CEP85L: variants seen among roughly 807,000 people sequenced by gnomAD.
The protein encoded by CEP85L is centrosomal protein 85L.
A neutral mutation model predicts 100.3 loss-of-function variants in CEP85L; 60 were observed. That is an observed-to-expected ratio of 0.60 (90% CI 0.49 to 0.74). The LOEUF (loss-of-function observed/expected upper bound fraction) is 0.74. CEP85L is among the 30% of genes least tolerant of loss of function. CEP85L has a pLI of 0.00. For missense variants in CEP85L, 973 were observed against 936.2 expected, an observed-to-expected ratio of 1.04 and a Z score of -0.51; for synonymous variants, 319 against 322.7, an observed-to-expected ratio of 0.99 and a Z score of 0.12.
chr6:118,531,602 C>T (rs1777297173), intron 3 of CEP85L, among the ~76,000 whole-genome samples: 1 of 151,982 alleles, frequency 6.6e-6, no homozygotes, highest in Non-Finnish European at 1.5e-5. Flanking sequence ...AAGATATTTG[C>T]AAACTATGCA....
Position 118,565,637 on chromosome 6 carries a change from C to A in CEP85L, c.912G>T (p.Leu304=), listed in dbSNP as rs773998672. 1 of 1,614,204 alleles carries A rather than the reference C, an allele frequency of 6.2e-7. No individual in the cohort carries two copies. Among genetic ancestry groups the A allele is most frequent in the South Asian group, 1.1e-5 (1 of 91,084 alleles). ...VRTQMWLTEQ[L]RTNPLEGRNT... is the part of the protein sequence containing the mutation. ...TTCTACCTTCCAAAGGATTTGTCCGCAGCTGCTCTGTAAGCCACATCTGAG... is the reference window on the plus strand; with the variant it reads ...TTCTACCTTCCAAAGGATTTGTCCGAAGCTGCTCTGTAAGCCACATCTGAG... The change falls in exon 3 of 13, where the codon CTG becomes CTT. Residue 304 remains leucine (L), a synonymous_variant. Transcript: ENST00000368491.
chr6:118,626,116 G>A (rs1233489549), intron 2 of CEP85L, among the ~76,000 whole-genome samples: 2 of 152,178 alleles, frequency 1.3e-5, no homozygotes, highest in Non-Finnish European at 2.9e-5. Context: ...GAGAGGTGAT[G>A]CCAGCTGAGC....
At chr6:118,657,600 A>G (rs1357014230) in intron 1 of CEP85L, among the ~76,000 whole-genome samples, 2 of 152,214 alleles carry the variant, frequency 1.3e-5, no homozygotes, top group Non-Finnish European at 2.9e-5. Flanking sequence ...TGAGCGACAG[A>G]GTGAGACTGT....
intron 3 of CEP85L, among the ~76,000 whole-genome samples, chr6:118,534,370 T>C (rs1326484904): frequency 6.6e-6 from 1 of 151,914 alleles, no homozygotes; most frequent in Non-Finnish European, 1.5e-5. Flanking sequence ...CTAAAAAAAC[T>C]GGCCAGGTGC....
chr6:118,665,034 C>T (rs1032130607), intron 1 of CEP85L, among the ~76,000 whole-genome samples: 2 of 152,138 alleles, frequency 1.3e-5, no homozygotes, highest in East Asian at 1.9e-4. Context: ...CCTCCAGAAA[C>T]GTAGCCCTAG....
At chr6:118,700,498 C>T (rs1777372398) in intron 1 of CEP85L, among the ~76,000 whole-genome samples, 1 of 152,214 alleles carries the variant, frequency 6.6e-6, no homozygotes, top group African/African-American at 2.4e-5. Context: ...TTATGCTCTT[C>T]CTTTCTTGGT....
intron 1 of CEP85L, among the ~76,000 whole-genome samples, chr6:118,688,682 C>T (rs186276722): frequency 6.6e-6 from 1 of 152,204 alleles, no homozygotes; most frequent in South Asian, 2.1e-4. Flanking sequence ...CAGATTTGGT[C>T]CTCACATCTA....
intron 1 of CEP85L, among the ~76,000 whole-genome samples, chr6:118,704,379 C>G (rs957271501): frequency 1.3e-5 from 2 of 152,208 alleles, no homozygotes; most frequent in Non-Finnish European, 2.9e-5. Flanking sequence ...ACTCAACAGA[C>G]TGGTGGCCTG....
chr6:118,494,243 A>G (rs1409610033), intron 5 of CEP85L, among the ~76,000 whole-genome samples: 2 of 152,188 alleles, frequency 1.3e-5, no homozygotes, highest in African/African-American at 4.8e-5. Context: ...GGAGGTTTCC[A>G]TATGTCTGTG....
chr6:118,654,372 A>C (rs1583231337), upstream of CEP85L, among the ~76,000 whole-genome samples: 1 of 152,324 alleles, frequency 6.6e-6, no homozygotes, highest in East Asian at 1.9e-4. Flanking sequence ...AAATATATAA[A>C]TAGCAAAAGA....
At chr6:118,640,736 G>A (rs1265015264) in intron 1 of CEP85L, among the ~76,000 whole-genome samples, 2 of 151,990 alleles carry the variant, frequency 1.3e-5, no homozygotes, top group Non-Finnish European at 2.9e-5. Flanking sequence ...CGCCATGTTG[G>A]CCAGGCTGGT....
At position 118,479,923 on chromosome 6, in the gene CEP85L, T is replaced by C; in HGVS notation, c.1864-2A>G. On this transcript the variant is annotated splice_acceptor_variant, in intron 9 of 12. Transcript: ENST00000368491. LOFTEE classifies it high-confidence loss of function. ...CTCATCTTGTTGGCTGTCTATTATC[T>C]AAAACAAAATAAATACATCTGATTC... 1 of 1,399,350 alleles carries C rather than the reference T, an allele frequency of 7.1e-7. No homozygotes were observed. The allele number at this position is 1,399,350 out of a possible 1,614,324, so 86.7% of individuals were successfully genotyped here.
chr6:118,657,909 C>T (rs1049633771), intron 1 of CEP85L, among the ~76,000 whole-genome samples: 5 of 152,184 alleles, frequency 3.3e-5, no homozygotes, highest in Non-Finnish European at 7.3e-5. Context: ...TTCATAGTAG[C>T]TTCCTTACTT....
At chr6:118,637,325 G>A (rs1349571045) in intron 1 of CEP85L, among the ~76,000 whole-genome samples, 2 of 152,038 alleles carry the variant, frequency 1.3e-5, no homozygotes, top group African/African-American at 2.4e-5. Flanking sequence ...ATTTCTTTCA[G>A]TGTACTGCCA....
In CEP85L at chr6:118,641,078, A is replaced by C. The variant is rs1156748875; in HGVS notation, c.74-8467T>G. Among the ~76,000 whole-genome samples the C allele has an allele frequency of 2.0e-5, 3 of 152,210 alleles. 1 individual carries two copies. The highest frequency in any genetic ancestry group is 4.1e-4 in the South Asian group (2 of 4,824). On this transcript the variant is annotated intron_variant, in intron 1 of 12. Coordinates refer to ENST00000368491, the MANE Select transcript of CEP85L (RefSeq NM_001042475.3). Reference sequence around the variant, plus strand: ...AGAAAAAAATCATCTGACAAATACCACATAACAATAATTCTTCTGCTCCTC... The same window carrying C: ...AGAAAAAAATCATCTGACAAATACCCCATAACAATAATTCTTCTGCTCCTC...
chr6:118,681,157 T>G (rs564413819), intron 1 of CEP85L, among the ~76,000 whole-genome samples: 3 of 152,228 alleles, frequency 2.0e-5, no homozygotes, highest in Non-Finnish European at 4.4e-5. Context: ...GTTTTTGACC[T>G]TAAAACTTTG....
intron 2 of CEP85L, among the ~76,000 whole-genome samples, chr6:118,620,268 A>G (rs1238772965): frequency 6.6e-6 from 1 of 152,144 alleles, no homozygotes; most frequent in Non-Finnish European, 1.5e-5. Flanking sequence ...CCCAGAACAA[A>G]ATTTGGAGGC....
chr6:118,485,426 T>A (rs1262509857), intron 6 of CEP85L, among the ~76,000 whole-genome samples: 1 of 152,180 alleles, frequency 6.6e-6, no homozygotes, highest in Admixed American at 6.5e-5. Context: ...TGTGGAAAAA[T>A]TATTCATTTC....
rs1318325805 is a variant in CEP85L at position 118,464,509 on chromosome 6, C to G, written c.*896G>C. 6.6e-6 allele frequency: 1 copy of G among 151,892 alleles called. No individual in the cohort carries two copies. The highest frequency in any genetic ancestry group is 1.5e-5 in the Non-Finnish European group (1 of 67,956). The allele number at this position is 151,892 out of a possible 1,614,324, so 9.4% of individuals were successfully genotyped here. The stretch of plus-strand genomic sequence containing the variant: ...AGATTTGGATAAGTAAGCTATTGTT[C>G]CAGGGTAACTTTGTTAATCTTCCTT... On this transcript the variant is annotated 3_prime_UTR_variant, in exon 13 of 13. Transcript: ENST00000368491.
Sources: gnomAD v4.1 joint callset for allele counts (sites outside exome capture counted in the v4.1 genomes callset) on GRCh38, gnomAD v4.1.1 for gene constraint, MANE v1.5 for transcripts, NCBI Gene and HGNC (gene_info 2026-07-23, HGNC 2026-07-21) for gene names.